Variants in MYH4 observed in about 807,000 individuals in gnomAD.
MYH4 encodes the protein myosin-4.
Under a neutral mutation model 229.9 loss-of-function variants are expected in MYH4, and 200 were observed. That is an observed-to-expected ratio of 0.87 (90% CI 0.78 to 0.98). MYH4 has a LOEUF of 0.98. Among genes scored for constraint, MYH4 ranks in the 50% least tolerant of loss-of-function variants. The probability of loss-of-function intolerance (pLI) is 0.00; values close to 1 mark genes in which losing one functional copy is unlikely to be tolerated. For missense variants in MYH4, 2,148 were observed against 2,332.6 expected, an observed-to-expected ratio of 0.92 and a Z score of 1.63; for synonymous variants, 761 against 834.6, an observed-to-expected ratio of 0.91 and a Z score of 1.52.
In MYH4 at chr17:10,460,085, C is replaced by T. The variant is rs1326081472; in HGVS notation, c.1283G>A (p.Gly428Asp). Residue 428 changes from glycine to aspartate, a missense_variant, in exon 14 of 40, where the codon GGT becomes GAT. Gly to Asp is a moderately conservative substitution (Grantham distance 94). Coordinates refer to ENST00000255381, the MANE Select transcript of MYH4 (RefSeq NM_017533.2). ...QTVQQVYNAV[G>D]ALAKAIYEKM... ...CTCGTAGATGGCTTTGGCCAGAGCA[C>T]CCACTGCATTGTACACCTTCAACAG... 6.2e-6 allele frequency: 10 copies of T among 1,614,168 alleles called. No individual in the cohort carries two copies. Among genetic ancestry groups the T allele is most frequent in the Non-Finnish European group, 8.5e-6 (10 of 1,180,034 alleles).
chr17:10,459,118 C>T, intron 15 of MYH4, 133 bp downstream of exon 15: 2 of 1,446,426 alleles, frequency 1.4e-6, no homozygotes, highest in Non-Finnish European at 1.9e-6. Flanking sequence ...GAACATACCT[C>T]ACAACCAATC....
chr17:10,464,548 C>G lies in MYH4; in HGVS notation c.572G>C (p.Arg191Pro), dbSNP rs752920475. 6.2e-7 allele frequency: 1 copy of G among 1,614,102 alleles called. No homozygotes were observed. The highest frequency in any genetic ancestry group is 1.7e-5 in the Admixed American group (1 of 60,016). Residue 191 changes from arginine to proline, a missense_variant, in exon 7 of 40, where the codon CGT (arginine) becomes CCT (proline). Transcript: ENST00000255381. ...AATTGTTGCAAAGTACTGGATGACA[C>G]GCTTCGTGTTCACAGTCTTCCCTGC... ...SGAGKTVNTKRVIQYFATIAV... is the reference protein window; with the variant it reads ...SGAGKTVNTKPVIQYFATIAV...
At chr17:10,464,781 C>T in intron 5 of MYH4, 73 bp from the exon 6 acceptor site, 1 of 1,462,068 alleles carries the variant, frequency 6.8e-7, no homozygotes, top group Non-Finnish European at 9.4e-7. Flanking sequence ...TACTTATAAA[C>T]TCAAAATTGT....
In MYH4 at chr17:10,450,707, A is replaced by T. The variant is rs2072563360; in HGVS notation, c.3985-58T>A. 25 of 1,609,920 alleles carry T rather than the reference A, an allele frequency of 1.6e-5. 1 individual carries two copies. In the Admixed American group the frequency reaches 3.2e-4, roughly 20 times the overall value. On this transcript the variant is annotated intron_variant, in intron 29 of 39. Transcript: ENST00000255381. ...TATCTTCTGATCATTGAAATTCTCT[A>T]TGCAAAGTTCAATAGTGTGTTATGT...
rs764347409 is a variant in MYH4, at chr17:10,455,323, G to A, written c.2175-28C>T. 1.0e-5 allele frequency: 16 copies of A among 1,593,678 alleles called. No homozygotes were observed. In the African/African-American group the frequency reaches 2.2e-4, roughly 22 times the overall value. On this transcript the variant is annotated intron_variant, in intron 19 of 39. Transcript: ENST00000255381. ...GTCAGAATAAAAAGAATATAAAAATGTGGTTTTTCTTCACTGAAAAAAACA... is the reference window on the plus strand; with the variant it reads ...GTCAGAATAAAAAGAATATAAAAATATGGTTTTTCTTCACTGAAAAAAACA...
At chr17:10,461,143 T>C (rs2142227526) in intron 11 of MYH4, 89 bp from the exon 12 acceptor site, 1 of 1,455,378 alleles carries the variant, frequency 6.9e-7, no homozygotes, top group Non-Finnish European at 9.5e-7. Context: ...TTTTTTCTCA[T>C]CACGCCTTGC....
chr17:10,452,651 A>G, intron 25 of MYH4, 136 bp downstream of exon 25: 3 of 1,258,058 alleles, frequency 2.4e-6, no homozygotes, highest in Admixed American at 2.4e-5. Context: ...TATTAGTTTA[A>G]TTAAATAAAA....
chr17:10,463,560 G>A lies in MYH4; in HGVS notation c.732C>T (p.Ser244=). The A allele has an allele frequency of 6.2e-7, 1 of 1,612,176 alleles. No individual in the cohort carries two copies. Among genetic ancestry groups the A allele is most frequent in the Non-Finnish European group, 8.5e-7 (1 of 1,178,216 alleles). Residue 244 remains serine (S), a synonymous_variant, in exon 8 of 40, where the codon TCC becomes TCT. Coordinates refer to ENST00000255381, the MANE Select transcript of MYH4 (RefSeq NM_017533.2). ...AGATCAAGAGACTTACAAAGCGAGAGGAGTTGTCATTCCTCACGGTCTTGG... is the reference window on the plus strand; with the variant it reads ...AGATCAAGAGACTTACAAAGCGAGAAGAGTTGTCATTCCTCACGGTCTTGG... The part of the protein sequence containing the change: ...GNAKTVRNDN[S]SRFGKFIRIH...
rs776554999 is a variant in MYH4, at chr17:10,447,088, C to A, written c.5094G>T (p.Arg1698=). 42 of 1,614,018 alleles carry A rather than the reference C, an allele frequency of 2.6e-5. No individual in the cohort carries two copies. The highest frequency in any genetic ancestry group is 1.7e-5 in the Non-Finnish European group (20 of 1,180,034). The change falls in exon 35 of 40, where the codon CGG becomes CGT. Residue 1698 remains arginine, a synonymous_variant. Transcript: ENST00000255381. ...EVEELRASLE[R]TERGRKMAEQ... ...CTGCCATTTTCCTGCCTCTCTCAGTCCGTTCCAGGGATGCCCTGAGCTCTT... is the reference window on the plus strand; with the variant it reads ...CTGCCATTTTCCTGCCTCTCTCAGTACGTTCCAGGGATGCCCTGAGCTCTT...
Position 10,457,478 on chromosome 17 carries a change from C to A in MYH4, c.1839G>T (p.Gln613His), listed in dbSNP as rs1289237793. ...PLNETVVGLY[Q>H]KSAMKTLAFL... ...AAGCCAGAGTCTTCATTGCAGACTT[C>A]TGGTACAGCCCCACCACAGTCTCAT... The change falls in exon 16 of 40, where the codon CAG (glutamine) becomes CAT (histidine). Residue 613 changes from glutamine to histidine, a missense_variant. Physicochemically the swap from Gln to His is conservative, Grantham distance 24. Coordinates refer to ENST00000255381, the MANE Select transcript of MYH4 (RefSeq NM_017533.2). The A allele has an allele frequency of 6.2e-7, 1 of 1,614,000 alleles. No individual in the cohort carries two copies. Among genetic ancestry groups the A allele is most frequent in the African/African-American group, 1.3e-5 (1 of 74,922 alleles).
intron 27 of MYH4, 78 bp from the exon 28 acceptor site, chr17:10,451,530 C>T (rs2072573500): frequency 7.5e-6 from 11 of 1,472,440 alleles, no homozygotes; most frequent in Non-Finnish European, 1.0e-5. Flanking sequence ...CTGTAACTAC[C>T]TGTGGAAAGG....
In MYH4 at chr17:10,449,145, GT is replaced by G. The variant is rs1435076246; in HGVS notation, c.4182-99del. 6.8e-6 allele frequency: 7 copies of G among 1,028,382 alleles called. No homozygotes were observed. The African/African-American group carries it at 1.1e-4, about 17-fold the overall frequency. 63.7% of individuals were successfully genotyped at this position (1,028,382 alleles called of 1,614,324 possible). The stretch of plus-strand genomic sequence containing the variant: ...ACTAGGAAAGCATATTTCCCCAAGA[GT>G]TGTCTACAAGTTGTTGAATTTTTCT... On this transcript the variant is annotated intron_variant, in intron 30 of 39. Transcript: ENST00000255381.
chr17:10,462,265 A>C (rs1439189945), intron 11 of MYH4, among the ~76,000 whole-genome samples: 3 of 152,216 alleles, frequency 2.0e-5, no homozygotes, highest in Non-Finnish European at 4.4e-5. Flanking sequence ...AGTAAGCCAA[A>C]AAGCAATAAT....
At chr17:10,463,454 C>A in intron 8 of MYH4, 53 bp from the exon 9 acceptor site, 2 of 1,589,538 alleles carry the variant, frequency 1.3e-6, no homozygotes, top group East Asian at 2.2e-5. Flanking sequence ...GAAACTATTT[C>A]TTTAGCTGTG....
At position 10,455,901 on chromosome 17, in the gene MYH4, C is replaced by G; in HGVS notation, c.1969G>C (p.Glu657Gln). The G allele has an allele frequency of 6.2e-7, 1 of 1,614,198 alleles. No homozygotes were observed. Among genetic ancestry groups the G allele is most frequent in the South Asian group, 1.1e-5 (1 of 91,080 alleles). ...TTGGTCATCAGCTTATTCAAATTCT[C>G]CTGTGGAACCATATGAAAAGTTTTA... ...SFQTVSALFR[E>Q]NLNKLMTNLR... The change falls in exon 18 of 40, where the codon GAG becomes CAG. Residue 657 changes from glutamate to glutamine, a missense_variant and splice_region_variant. Coordinates refer to ENST00000255381, the MANE Select transcript of MYH4 (RefSeq NM_017533.2).
In MYH4 at chr17:10,452,910, T is replaced by G; in HGVS notation, c.3134A>C (p.Glu1045Ala). ...VDDLEGSLEQ[E>A]KKLCMDLERA... is the part of the protein sequence containing the mutation. ...TTCTAAGTCCATGCAAAGTTTCTTT[T>G]CTTGTTCCAGAGATCCTTCAAGCTA... Residue 1045 changes from glutamate (E) to alanine (A), a missense_variant, in exon 25 of 40, where the codon GAA becomes GCA. Physicochemically the swap from Glu to Ala is moderately radical, Grantham distance 107. Transcript: ENST00000255381. 9 of 1,603,360 alleles carry G rather than the reference T, an allele frequency of 5.6e-6. No individual in the cohort carries two copies. Among genetic ancestry groups the G allele is most frequent in the Non-Finnish European group, 6.8e-6 (8 of 1,177,900 alleles).
chr17:10,443,531 A>T lies in MYH4; in HGVS notation c.5668-4T>A. 1.2e-6 allele frequency: 2 copies of T among 1,606,890 alleles called. No individual in the cohort carries two copies. The highest frequency in any genetic ancestry group is 1.7e-6 in the Non-Finnish European group (2 of 1,176,194). ...GGTTGACATTGGATTGTTCCTCCTG[A>T]GAACAGAGATGCATTTGAGATAACA... On this transcript the variant is annotated splice_region_variant and splice_polypyrimidine_tract_variant and intron_variant, in intron 39 of 39. Transcript: ENST00000255381. The surrounding 1 kb of genome is among the most constrained non-coding windows in gnomAD (Gnocchi z 4.6).
At chr17:10,453,455 G>A (rs989410038) in intron 23 of MYH4, 127 bp from the exon 24 acceptor site, 2 of 1,559,146 alleles carry the variant, frequency 1.3e-6, no homozygotes, top group African/African-American at 1.4e-5. Context: ...GCTAACCCAG[G>A]CCTATAATGG....
intron 15 of MYH4, 25 bp from the exon 16 acceptor site, chr17:10,457,754 T>C (rs1344861861): frequency 6.3e-7 from 1 of 1,598,678 alleles, no homozygotes; most frequent in Non-Finnish European, 8.5e-7. Context: ...AAAGGGATGA[T>C]AATGATGAGT....
Sources: gnomAD v4.1 joint callset for allele counts (sites outside exome capture counted in the v4.1 genomes callset) on GRCh38, gnomAD v4.1.1 for gene constraint, Gnocchi (gnomAD v3.1) non-coding constraint, MANE v1.5 for transcripts, NCBI Gene and HGNC (gene_info 2026-07-23, HGNC 2026-07-21) for gene names.